The following ADK variants were observed in gnomAD, a reference collection of about 807,000 sequenced individuals.
ADK encodes N6,N6-dimethyladenosine kinase.
ADK carries 24 observed loss-of-function variants against 44.7 expected under a neutral mutation model. The ratio of observed to expected loss-of-function variants is 0.54; its 90% CI spans 0.39 to 0.76. The LOEUF (loss-of-function observed/expected upper bound fraction) is 0.76, where lower values mean the gene tolerates loss of function less well. Among genes scored for constraint, ADK ranks in the 30% least tolerant of loss-of-function variants. The probability of loss-of-function intolerance (pLI) is 0.00; values close to 1 mark genes in which losing one functional copy is unlikely to be tolerated. For synonymous variants in ADK, 128 were observed against 142.6 expected (o/e 0.90, Z 0.73); for missense variants, 321 against 425.1 (o/e 0.76, Z 2.15).
chr10:74,214,199 C>T (rs1843933425), intron 2 of ADK, among the ~76,000 whole-genome samples: 1 of 152,132 alleles, frequency 6.6e-6, no homozygotes, highest in South Asian at 2.1e-4. Flanking sequence ...TTATAAGCTT[C>T]TTAAATTTCA....
chr10:74,408,525 G>T (rs1844039864), intron 6 of ADK, among the ~76,000 whole-genome samples: 1 of 152,006 alleles, frequency 6.6e-6, no homozygotes, highest in Non-Finnish European at 1.5e-5. Flanking sequence ...TCCAAGTTGT[G>T]GTGAGAAAGT....
intron 4 of ADK, among the ~76,000 whole-genome samples, chr10:74,391,650 T>TACACACACACACACACAC (rs1491120125): frequency 5.8e-4 from 78 of 134,720 alleles, no homozygotes; most frequent in African/African-American, 2.0e-3. Context: ...GAGGCAAGAA[T>TACACACACACACACACAC]ATACACACAC....
intron 1 of ADK, among the ~76,000 whole-genome samples, chr10:74,166,858 C>A (rs974994349): frequency 6.6e-6 from 1 of 152,028 alleles, no homozygotes; most frequent in Non-Finnish European, 1.5e-5. Context: ...AACTGTAATA[C>A]CTATTGGCTT....
chr10:74,487,601 C>T (rs1036992256), intron 6 of ADK, among the ~76,000 whole-genome samples: 5 of 151,352 alleles, frequency 3.3e-5, no homozygotes, highest in African/African-American at 9.7e-5. Flanking sequence ...AATTGTGTAA[C>T]CTGTAGAAAC....
intron 9 of ADK, among the ~76,000 whole-genome samples, chr10:74,643,127 T>C (rs955517439): frequency 1.3e-5 from 2 of 151,970 alleles, no homozygotes; most frequent in Non-Finnish European, 2.9e-5. Context: ...CAGGCATGAC[T>C]CACCATGCTT....
intron 9 of ADK, among the ~76,000 whole-genome samples, chr10:74,602,075 A>G (rs936258496): frequency 2.1e-5 from 3 of 141,648 alleles, no homozygotes; most frequent in Middle Eastern, 7.1e-3. Flanking sequence ...ACTGCACCCC[A>G]GCATGGATGA....
At chr10:74,623,544 T>G (rs1853075142) in intron 9 of ADK, among the ~76,000 whole-genome samples, 1 of 152,136 alleles carries the variant, frequency 6.6e-6, no homozygotes, top group South Asian at 2.1e-4. Context: ...AGACTTCTCT[T>G]TAGTTAGAAT....
intron 6 of ADK, among the ~76,000 whole-genome samples, chr10:74,442,565 A>G (rs1344183234): frequency 6.6e-6 from 1 of 152,156 alleles, no homozygotes; most frequent in Non-Finnish European, 1.5e-5. Flanking sequence ...AGAATCGCTC[A>G]AACCCAGGAG....
chr10:74,678,591 C>T (rs1855490833), intron 10 of ADK, among the ~76,000 whole-genome samples: 1 of 152,188 alleles, frequency 6.6e-6, no homozygotes, highest in African/African-American at 2.4e-5. Flanking sequence ...AAGACACAGA[C>T]AGTCTGAACC....
intron 6 of ADK, among the ~76,000 whole-genome samples, chr10:74,524,572 T>C (rs141540602): frequency 1.0e-3 from 154 of 152,282 alleles, no homozygotes; most frequent in African/African-American, 3.7e-3. Flanking sequence ...TTTGAAATTT[T>C]TGTAGAGACA....
intron 3 of ADK, among the ~76,000 whole-genome samples, chr10:74,229,706 C>T (rs565662308): frequency 3.7e-4 from 56 of 152,092 alleles, no homozygotes; most frequent in African/African-American, 1.3e-3. Flanking sequence ...CTGGTATGCT[C>T]TTAAATTAAT....
At chr10:74,508,782 T>A (rs1209129614) in intron 6 of ADK, among the ~76,000 whole-genome samples, 1 of 152,206 alleles carries the variant, frequency 6.6e-6, no homozygotes, top group Admixed American at 6.5e-5. Flanking sequence ...GTGTTTGATA[T>A]GGCTCTTACA....
At chr10:74,196,130 C>T (rs1843139719) in intron 1 of ADK, among the ~76,000 whole-genome samples, 1 of 151,852 alleles carries the variant, frequency 6.6e-6, no homozygotes. Flanking sequence ...ATTTTCTCCT[C>T]ACTGCTGTAC....
At chr10:74,364,706 G>A (rs934226002) in intron 4 of ADK, among the ~76,000 whole-genome samples, 1 of 143,624 alleles carries the variant, frequency 7.0e-6, no homozygotes. Flanking sequence ...GTGTGTGTGT[G>A]TGTGTGTGTG....
At chr10:74,401,771 G>T (rs557252850) in intron 6 of ADK, among the ~76,000 whole-genome samples, 2 of 152,304 alleles carry the variant, frequency 1.3e-5, no homozygotes, top group African/African-American at 4.8e-5. Context: ...GTGTGAAGTT[G>T]ATCCTGTCAT....
chr10:74,504,498 A>G (rs1362622822), intron 6 of ADK, among the ~76,000 whole-genome samples: 1 of 152,232 alleles, frequency 6.6e-6, no homozygotes, highest in African/African-American at 2.4e-5. Context: ...TGTAACATTA[A>G]TCATTGATGA....
intron 1 of ADK, among the ~76,000 whole-genome samples, chr10:74,164,682 T>C (rs1841989517): frequency 6.6e-6 from 1 of 152,218 alleles, no homozygotes; most frequent in South Asian, 2.1e-4. Context: ...TCTAGACTTA[T>C]ACTCGTAGAT....
At chr10:74,654,998 G>T in intron 9 of ADK, 1 of 182,020 alleles carries the variant, frequency 5.5e-6, no homozygotes, top group South Asian at 1.1e-4. Flanking sequence ...CACTCTGCAA[G>T]GGCCCCGACC....
chr10:74,695,608 TG>T (rs1856157895), intron 10 of ADK, among the ~76,000 whole-genome samples: 1 of 63,126 alleles, frequency 1.6e-5, no homozygotes, highest in African/African-American at 5.6e-5. Context: ...ACAATTCCTG[TG>T]TATGTGTGGG....
Sources: allele counts gnomAD v4.1 joint callset (sites outside exome capture counted in the v4.1 genomes callset), GRCh38; gene constraint gnomAD v4.1.1; transcripts MANE v1.5; gene names NCBI Gene and HGNC (gene_info 2026-07-23, HGNC 2026-07-21).